AUTS2: variants seen among roughly 807,000 people sequenced by gnomAD.
AUTS2 encodes activator of transcription and developmental regulator AUTS2, also known as autism susceptibility gene 2 protein.
A neutral mutation model predicts 112.4 loss-of-function variants in AUTS2; 17 were observed. The observed-to-expected ratio is 0.15, with a 90% CI of 0.10 to 0.23. AUTS2 has a LOEUF of 0.23. AUTS2 is among the 10% of genes least tolerant of loss of function. AUTS2 has a pLI of 1.00. For missense variants in AUTS2, 1,510 were observed against 1,701.6 expected, an observed-to-expected ratio of 0.89 and a Z score of 1.98; for synonymous variants, 751 against 702.7, an observed-to-expected ratio of 1.07 and a Z score of -1.09.
intron 5 of AUTS2, among the ~76,000 whole-genome samples, chr7:70,520,859 A>G (rs1274689797): frequency 1.3e-5 from 2 of 152,194 alleles, no homozygotes; most frequent in Non-Finnish European, 2.9e-5. Context: ...TTCTTTCCTA[A>G]TGAGCCTTTC....
At chr7:70,456,942 G>A (rs1308705974) in intron 5 of AUTS2, among the ~76,000 whole-genome samples, 4 of 152,200 alleles carry the variant, frequency 2.6e-5, no homozygotes, top group South Asian at 2.1e-4. Context: ...TTGGGGCAGC[G>A]GCTGCCGGAG....
chr7:69,905,642 A>G (rs1410493333), intron 2 of AUTS2, among the ~76,000 whole-genome samples: 1 of 152,168 alleles, frequency 6.6e-6, no homozygotes, highest in African/African-American at 2.4e-5. Flanking sequence ...GTGCCTGCCC[A>G]CATGGAGGGC....
At chr7:69,681,472 C>T (rs565729271) in intron 1 of AUTS2, among the ~76,000 whole-genome samples, 1 of 152,294 alleles carries the variant, frequency 6.6e-6, no homozygotes, top group African/African-American at 2.4e-5. Context: ...GTGGCCTGTT[C>T]CAAGCTTCTT....
At chr7:70,553,224 A>G (rs1300384455) in intron 5 of AUTS2, among the ~76,000 whole-genome samples, 2 of 152,222 alleles carry the variant, frequency 1.3e-5, no homozygotes, top group Non-Finnish European at 2.9e-5. Context: ...CTGGTCATTC[A>G]GCCTTCACCC....
chr7:69,949,949 C>G (rs1796960514), intron 2 of AUTS2, among the ~76,000 whole-genome samples: 1 of 152,154 alleles, frequency 6.6e-6, no homozygotes, highest in Admixed American at 6.5e-5. Flanking sequence ...ATGATCTTAA[C>G]TCTGGTGTGT....
At chr7:69,788,881 G>A (rs935390950) in intron 1 of AUTS2, among the ~76,000 whole-genome samples, 2 of 152,048 alleles carry the variant, frequency 1.3e-5, no homozygotes, top group African/African-American at 2.4e-5. Flanking sequence ...TTAGCTGTCC[G>A]GTTCAGCTCT....
intron 1 of AUTS2, among the ~76,000 whole-genome samples, chr7:69,609,987 G>A (rs902414066): frequency 3.9e-5 from 6 of 152,234 alleles, no homozygotes; most frequent in African/African-American, 7.2e-5. Flanking sequence ...CATATTTGCT[G>A]TAGGGGGCAG....
intron 5 of AUTS2, among the ~76,000 whole-genome samples, chr7:70,621,286 G>A (rs1804660164): frequency 6.6e-6 from 1 of 152,178 alleles, no homozygotes. Flanking sequence ...CAGGATTACA[G>A]ACTCAAACTG....
At chr7:69,717,861 C>A (rs1286725374) in intron 1 of AUTS2, among the ~76,000 whole-genome samples, 11 of 152,042 alleles carry the variant, frequency 7.2e-5, no homozygotes, top group Non-Finnish European at 1.6e-4. Context: ...AGAGTTCATC[C>A]ACCGTTTTAC....
intron 2 of AUTS2, among the ~76,000 whole-genome samples, chr7:70,052,765 C>G (rs1007959494): frequency 6.6e-6 from 1 of 152,128 alleles, no homozygotes. Flanking sequence ...TTGCTACCAT[C>G]CTATCCCAGC....
chr7:69,845,151 C>T (rs950765756), intron 1 of AUTS2, among the ~76,000 whole-genome samples: 1 of 152,252 alleles, frequency 6.6e-6, no homozygotes. Context: ...AGATGGCTGC[C>T]ATTGTTTCAG....
intron 2 of AUTS2, among the ~76,000 whole-genome samples, chr7:69,935,788 G>T (rs963292289): frequency 1.3e-5 from 2 of 152,142 alleles, no homozygotes; most frequent in African/African-American, 4.8e-5. Flanking sequence ...AGCAGGCTGG[G>T]CACATAGGGT....
chr7:70,464,571 C>T (rs1452598059), intron 5 of AUTS2, among the ~76,000 whole-genome samples: 1 of 152,178 alleles, frequency 6.6e-6, no homozygotes, highest in Non-Finnish European at 1.5e-5. Context: ...TACAATTAGT[C>T]TGCTAGAGGG....
intron 1 of AUTS2, among the ~76,000 whole-genome samples, chr7:69,769,244 CATATT>C (rs1217727828): frequency 2.0e-5 from 3 of 152,026 alleles, no homozygotes; most frequent in African/African-American, 4.8e-5. Flanking sequence ...GAACGTAAAT[CATATT>C]ATATTATTTC....
At chr7:69,703,629 T>G (rs1797922644) in intron 1 of AUTS2, among the ~76,000 whole-genome samples, 1 of 152,204 alleles carries the variant, frequency 6.6e-6, no homozygotes, top group Non-Finnish European at 1.5e-5. Context: ...TTTGCTCTCA[T>G]CTGCTGGTTT....
chr7:70,234,318 G>A (rs1238641653), intron 4 of AUTS2, among the ~76,000 whole-genome samples: 6 of 152,080 alleles, frequency 3.9e-5, no homozygotes, highest in Admixed American at 6.6e-5. Context: ...TAGAACTGGC[G>A]TTCATTGATT....
chr7:70,137,848 T>C (rs1246159926), intron 4 of AUTS2, among the ~76,000 whole-genome samples: 1 of 152,224 alleles, frequency 6.6e-6, no homozygotes. Flanking sequence ...GTAGGTTTTA[T>C]AATTTGTACC....
intron 1 of AUTS2, among the ~76,000 whole-genome samples, chr7:69,688,720 T>C (rs921384292): frequency 1.3e-5 from 2 of 152,334 alleles, no homozygotes; most frequent in South Asian, 2.1e-4. Flanking sequence ...AACACTATAA[T>C]AGAACTTACT....
intron 4 of AUTS2, among the ~76,000 whole-genome samples, chr7:70,145,158 G>A (rs549005720): frequency 1.8e-4 from 28 of 152,180 alleles, no homozygotes; most frequent in Non-Finnish European, 3.8e-4. Flanking sequence ...CAAGTCCTAT[G>A]TATTTCTTTC....
Sources: gnomAD v4.1 joint callset for allele counts (sites outside exome capture counted in the v4.1 genomes callset) on GRCh38, gnomAD v4.1.1 for gene constraint, MANE v1.5 for transcripts, NCBI Gene and HGNC (gene_info 2026-07-23, HGNC 2026-07-21) for gene names.